Variants in GALNT7 observed in about 807,000 individuals in gnomAD.
The protein encoded by GALNT7 is polypeptide N-acetylgalactosaminyltransferase 7.
A neutral mutation model predicts 82.1 loss-of-function variants in GALNT7; 60 were observed. The ratio of observed to expected loss-of-function variants is 0.73; its 90% CI spans 0.59 to 0.91. The LOEUF (loss-of-function observed/expected upper bound fraction) is 0.91, where lower values mean the gene tolerates loss of function less well. GALNT7 is among the 40% of genes least tolerant of loss of function. GALNT7 has a pLI of 0.00. For synonymous variants in GALNT7, 243 were observed against 275.1 expected (o/e 0.88, Z 1.15); for missense variants, 660 against 804.2 (o/e 0.82, Z 2.17).
intron 1 of GALNT7, among the ~76,000 whole-genome samples, chr4:173,212,048 T>G (rs1252901284): frequency 6.6e-6 from 1 of 152,196 alleles, no homozygotes; most frequent in Non-Finnish European, 1.5e-5. Flanking sequence ...ACAGTGGCTT[T>G]CTTCTCTTTC....
chr4:173,286,941 C>G (rs898074340), intron 2 of GALNT7, among the ~76,000 whole-genome samples: 31 of 152,130 alleles, frequency 2.0e-4, no homozygotes, highest in African/African-American at 6.8e-4. Flanking sequence ...CCCCTTTCAG[C>G]TAAGAAACTG....
chr4:173,239,561 AAAAC>A (rs376982597), intron 1 of GALNT7, among the ~76,000 whole-genome samples: 8 of 152,342 alleles, frequency 5.3e-5, no homozygotes, highest in South Asian at 2.1e-4. Context: ...TAAACAAAAC[AAAAC>A]AAACAAACAA....
intron 1 of GALNT7, among the ~76,000 whole-genome samples, chr4:173,216,817 G>A (rs1733487584): frequency 7.3e-6 from 1 of 136,558 alleles, no homozygotes; most frequent in Non-Finnish European, 1.5e-5. Flanking sequence ...TGCAACCTCT[G>A]CCTCCCAGCT....
chr4:173,180,353 G>A (rs1732206239), intron 1 of GALNT7, among the ~76,000 whole-genome samples: 1 of 136,404 alleles, frequency 7.3e-6, no homozygotes. Flanking sequence ...TTGAGATGGA[G>A]TTACACTGTT....
chr4:173,246,276 A>G (rs1734630879), intron 1 of GALNT7, among the ~76,000 whole-genome samples: 1 of 152,194 alleles, frequency 6.6e-6, no homozygotes, highest in African/African-American at 2.4e-5. Context: ...ATTCTTTGCA[A>G]TATTCTTGAT....
intron 1 of GALNT7, among the ~76,000 whole-genome samples, chr4:173,225,018 A>AAAAAAT (rs1201076518): frequency 1.4e-5 from 2 of 144,576 alleles, no homozygotes; most frequent in Admixed American, 7.0e-5. Context: ...CTGTCTCAAA[A>AAAAAAT]AATAATAATA....
rs903960098 is a variant in GALNT7, at chr4:173,319,125, C to G, written c.1836+566C>G. On this transcript the variant is annotated intron_variant, in intron 11 of 11. Transcript: ENST00000265000. ...TATTCACGTGACACTGCTGGGGTAG[C>G]TTTGTGTTTCAGCTGTGAGTATTTA... Among the ~76,000 whole-genome samples the G allele has an allele frequency of 8.5e-5, 13 of 152,096 alleles. No homozygotes were observed. In the East Asian group the frequency reaches 2.5e-3, roughly 29 times the overall value.
At position 173,248,301 on chromosome 4, in the gene GALNT7, G is replaced by A; in HGVS notation, c.448G>A (p.Gly150Arg). 6.2e-7 allele frequency: 1 copy of A among 1,613,864 alleles called. No individual in the cohort carries two copies. Among genetic ancestry groups the A allele is most frequent in the Non-Finnish European group, 8.5e-7 (1 of 1,179,836 alleles). ...GCCTCCTGGAGTGGTTGGTGGCCCT[G>A]GAGAGAAAGCCAAGCCATTGGTTTT... ...PEPPGVVGGPGEKAKPLVLGP... is the reference protein window; with the variant it reads ...PEPPGVVGGPREKAKPLVLGP... The change falls in exon 2 of 12, where the codon GGA becomes AGA. Residue 150 changes from glycine to arginine, a missense_variant. Transcript: ENST00000265000.
chr4:173,217,042 T>A (rs1463931458), intron 1 of GALNT7, among the ~76,000 whole-genome samples: 1 of 152,016 alleles, frequency 6.6e-6, no homozygotes, highest in East Asian at 1.9e-4. Context: ...TTATTATATA[T>A]TTTTATATAC....
intron 2 of GALNT7, among the ~76,000 whole-genome samples, chr4:173,249,610 G>A (rs536071197): frequency 6.6e-6 from 1 of 152,264 alleles, no homozygotes; most frequent in Non-Finnish European, 1.5e-5. Flanking sequence ...GTCATAGATA[G>A]CATTGCCAGA....
chr4:173,281,119 G>A (rs1579985988), intron 2 of GALNT7, among the ~76,000 whole-genome samples: 1 of 152,216 alleles, frequency 6.6e-6, no homozygotes, highest in East Asian at 1.9e-4. Flanking sequence ...TAGCATCCTG[G>A]TGACAGGAGG....
intron 1 of GALNT7, among the ~76,000 whole-genome samples, chr4:173,191,895 G>A (rs1196387763): frequency 7.2e-5 from 11 of 152,154 alleles, no homozygotes; most frequent in Admixed American, 7.2e-4. Flanking sequence ...ACTGGACTTT[G>A]AGGAGAGAAA....
chr4:173,300,503 G>C (rs531058617), intron 6 of GALNT7, among the ~76,000 whole-genome samples: 26 of 152,122 alleles, frequency 1.7e-4, no homozygotes, highest in African/African-American at 6.3e-4. Flanking sequence ...AAGGATGAGG[G>C]ACCAATTCTG....
At chr4:173,232,418 G>A (rs1276033189) in intron 1 of GALNT7, among the ~76,000 whole-genome samples, 1 of 151,982 alleles carries the variant, frequency 6.6e-6, no homozygotes, top group Non-Finnish European at 1.5e-5. Context: ...GGGTAATTAG[G>A]ATATCTGTTA....
chr4:173,303,724 A>C (rs1737044632), intron 7 of GALNT7, among the ~76,000 whole-genome samples: 1 of 152,214 alleles, frequency 6.6e-6, no homozygotes, highest in African/African-American at 2.4e-5. Flanking sequence ...TGACTTTGCA[A>C]GGTTATATTG....
chr4:173,276,659 G>T lies in GALNT7; in HGVS notation c.588-15449G>T, dbSNP rs1579981469. On this transcript the variant is annotated intron_variant, in intron 2 of 11. Transcript: ENST00000265000. ...GCTTGAGTCAGTCAGTATAAATTTAGTCTGTTCAGCACACCCTATTGTGGA... is the reference window on the plus strand; with the variant it reads ...GCTTGAGTCAGTCAGTATAAATTTATTCTGTTCAGCACACCCTATTGTGGA... 2.0e-5 allele frequency among the ~76,000 whole-genome samples: 3 copies of T among 152,218 alleles called. No individual in the cohort carries two copies. The East Asian group carries it at 5.8e-4, about 29-fold the overall frequency.
intron 1 of GALNT7, among the ~76,000 whole-genome samples, chr4:173,208,262 C>T (rs886902998): frequency 6.6e-6 from 1 of 152,054 alleles, no homozygotes; most frequent in African/African-American, 2.4e-5. Flanking sequence ...TACCTAACAG[C>T]ATTAGAAAAT....
chr4:173,170,105 C>A (rs1731807191), intron 1 of GALNT7, among the ~76,000 whole-genome samples: 1 of 152,062 alleles, frequency 6.6e-6, no homozygotes, highest in African/African-American at 2.4e-5. Flanking sequence ...CGGCGCGCAC[C>A]GGCCTCGCCC....
chr4:173,205,015 G>C (rs1410818346), intron 1 of GALNT7, among the ~76,000 whole-genome samples: 1 of 152,202 alleles, frequency 6.6e-6, no homozygotes, highest in Non-Finnish European at 1.5e-5. Context: ...AGGTCATCTG[G>C]TGTGGTCCTC....
Sources: gnomAD v4.1 joint callset for allele counts (sites outside exome capture counted in the v4.1 genomes callset) on GRCh38, gnomAD v4.1.1 for gene constraint, MANE v1.5 for transcripts, NCBI Gene and HGNC (gene_info 2026-07-23, HGNC 2026-07-21) for gene names.